NEK10: variants seen among roughly 807,000 people sequenced by gnomAD.
NEK10 encodes NIMA related kinase 10.
In NEK10, 122 loss-of-function variants were observed where a neutral mutation model predicts 159.8. That is an observed-to-expected ratio of 0.76 (90% CI 0.66 to 0.89). The LOEUF is 0.89. NEK10 is among the 40% of genes least tolerant of loss of function. NEK10 has a pLI of 0.00. For synonymous variants in NEK10, 466 were observed against 457.1 expected (o/e 1.02, Z -0.25); for missense variants, 1,342 against 1,323.1 (o/e 1.01, Z -0.22).
intron 32 of NEK10, 99 bp downstream of exon 32, chr3:27,131,781 G>T: frequency 3.9e-6 from 2 of 511,266 alleles, no homozygotes; most frequent in Non-Finnish European, 6.9e-6. Flanking sequence ...AACTTTAATA[G>T]AGGATAGAGC....
chr3:27,266,658 A>C (rs2040920578), intron 22 of NEK10, among the ~76,000 whole-genome samples: 1 of 152,180 alleles, frequency 6.6e-6, no homozygotes, highest in African/African-American at 2.4e-5. Flanking sequence ...CCCTTTCAGC[A>C]TCAAATCCAC....
intron 7 of NEK10, 87 bp downstream of exon 7, chr3:27,314,210 C>T (rs2044964296): frequency 1.1e-6 from 1 of 927,782 alleles, no homozygotes; most frequent in Non-Finnish European, 1.7e-6. Context: ...ATAGGAAAGC[C>T]ACCTTCTGTC....
At chr3:27,349,719 T>C (rs2047831504) in intron 3 of NEK10, among the ~76,000 whole-genome samples, 1 of 152,194 alleles carries the variant, frequency 6.6e-6, no homozygotes, top group Non-Finnish European at 1.5e-5. Context: ...TGCTTCAAGA[T>C]TTGTGAAAAG....
intron 26 of NEK10, among the ~76,000 whole-genome samples, chr3:27,176,923 C>A (rs1035070910): frequency 6.6e-6 from 1 of 152,172 alleles, no homozygotes; most frequent in African/African-American, 2.4e-5. Context: ...AAAACTTTAA[C>A]AAAGGCTTTG....
At position 27,255,671 on chromosome 3, in the gene NEK10, T is replaced by C. The variant is rs565707376; in HGVS notation, c.2090+625A>G. The stretch of plus-strand genomic sequence containing the variant: ...AAGATTCTTACTTCATAATAATTAA[T>C]GGCTTGCAAAGGAACCCCCAAAGTA... On this transcript the variant is annotated intron_variant, in intron 23 of 35. Coordinates refer to ENST00000691995, the MANE Select transcript of NEK10 (RefSeq NM_001394966.1). Among the ~76,000 whole-genome samples the C allele has an allele frequency of 2.6e-5, 4 of 152,306 alleles. No individual in the cohort carries two copies. In the East Asian group the frequency reaches 7.7e-4, roughly 29 times the overall value.
chr3:27,159,191 T>C (rs1945778933), intron 30 of NEK10, among the ~76,000 whole-genome samples: 1 of 152,172 alleles, frequency 6.6e-6, no homozygotes, highest in Admixed American at 6.5e-5. Flanking sequence ...TGCAAGTATG[T>C]TTTCATCATT....
chr3:27,251,779 A>G (rs1033603503), intron 23 of NEK10, among the ~76,000 whole-genome samples: 4 of 152,232 alleles, frequency 2.6e-5, no homozygotes, highest in African/African-American at 9.6e-5. Context: ...TGTAATATAT[A>G]ATCTTTACAC....
At chr3:27,240,447 C>A (rs1954419601) in intron 23 of NEK10, among the ~76,000 whole-genome samples, 1 of 139,388 alleles carries the variant, frequency 7.2e-6, no homozygotes, top group South Asian at 2.3e-4. Flanking sequence ...ATACAATCTC[C>A]CAATAATACA....
chr3:27,174,920 G>T (rs1441392772), intron 26 of NEK10, 87 bp from the exon 27 acceptor site: 4 of 1,075,516 alleles, frequency 3.7e-6, no homozygotes, highest in Non-Finnish European at 5.4e-6. Context: ...TATATTAACT[G>T]CTTCAAATAT....
At chr3:27,300,514 C>T (rs115831035) in intron 13 of NEK10, among the ~76,000 whole-genome samples, 26 of 152,218 alleles carry the variant, frequency 1.7e-4, no homozygotes, top group African/African-American at 4.6e-4. Flanking sequence ...AGCTATGTAA[C>T]GTAAACACAT....
At chr3:27,289,905 C>T (rs181602579) in intron 19 of NEK10, among the ~76,000 whole-genome samples, 4 of 152,312 alleles carry the variant, frequency 2.6e-5, no homozygotes, top group Admixed American at 2.6e-4. Flanking sequence ...GAATTTGTTA[C>T]ATCCCAACAC....
intron 5 of NEK10, among the ~76,000 whole-genome samples, chr3:27,331,845 C>G (rs1304262890): frequency 1.3e-5 from 2 of 152,194 alleles, no homozygotes; most frequent in Non-Finnish European, 2.9e-5. Context: ...AGACTTCCTA[C>G]AGACTCATTT....
intron 28 of NEK10, among the ~76,000 whole-genome samples, 193 bp from the exon 29 acceptor site, chr3:27,172,066 T>C (rs1947042105): frequency 6.6e-6 from 1 of 151,876 alleles, no homozygotes; most frequent in African/African-American, 2.4e-5. Flanking sequence ...CGGCCGGGTG[T>C]GGTGGCTCAC....
At chr3:27,223,290 C>T (rs1396855318) in intron 23 of NEK10, among the ~76,000 whole-genome samples, 18 of 152,178 alleles carry the variant, frequency 1.2e-4, no homozygotes, top group Admixed American at 6.5e-5. Context: ...TCTAACCACA[C>T]CTCCTGTTCT....
chr3:27,162,444 G>A lies in NEK10; in HGVS notation c.2869+257C>T, dbSNP rs193104505. ...CCCATTGTGTGCTTAACATCAATGT[G>A]ATCTAGTAAGTACTACCATGATCTT... On this transcript the variant is annotated intron_variant, in intron 30 of 35. Transcript: ENST00000691995. The A allele has an allele frequency of 9.0e-4, 1,444 of 1,612,950 alleles. 2 individuals carry two copies. The highest frequency in any genetic ancestry group is 1.2e-3 in the Non-Finnish European group (1,385 of 1,179,234).
At chr3:27,205,090 A>T (rs1490906300) in intron 23 of NEK10, among the ~76,000 whole-genome samples, 4 of 151,898 alleles carry the variant, frequency 2.6e-5, no homozygotes, top group Non-Finnish European at 4.4e-5. Flanking sequence ...ATGTGTTTTT[A>T]GGCTGCATAA....
rs185818255 is a variant in NEK10, at chr3:27,188,245, T to G, written c.2505+3784A>C. 9.8e-5 allele frequency among the ~76,000 whole-genome samples: 15 copies of G among 152,322 alleles called. No individual in the cohort carries two copies. In the East Asian group the frequency reaches 2.5e-3, roughly 26 times the overall value. On this transcript the variant is annotated intron_variant, in intron 26 of 35. Transcript: ENST00000691995. ...GCCTCATTAATTCATTTCCCTCATCTCATTTATTTACCCAAAATGTTCGGA... is the reference window on the plus strand; with the variant it reads ...GCCTCATTAATTCATTTCCCTCATCGCATTTATTTACCCAAAATGTTCGGA...
chr3:27,195,272 C>G (rs1459495754), intron 25 of NEK10, among the ~76,000 whole-genome samples: 1 of 152,192 alleles, frequency 6.6e-6, no homozygotes. Flanking sequence ...CATAAATGAT[C>G]ATTAAGAATA....
At position 27,142,959 on chromosome 3, in the gene NEK10, G is replaced by A. The variant is rs145717747; in HGVS notation, c.2870-1377C>T. ...AGAGTCTCTATCCCATGGACACAAT[G>A]TTTACTCCTTTTAATATGAATTATT... On this transcript the variant is annotated intron_variant, in intron 30 of 35. Coordinates refer to ENST00000691995, the MANE Select transcript of NEK10 (RefSeq NM_001394966.1). 1.7e-3 allele frequency among the ~76,000 whole-genome samples: 265 copies of A among 152,240 alleles called. 1 individual carries two copies. The highest frequency in any genetic ancestry group is 5.0e-4 in the Non-Finnish European group (34 of 68,016).
Sources: gnomAD v4.1 joint callset for allele counts (sites outside exome capture counted in the v4.1 genomes callset) on GRCh38, gnomAD v4.1.1 for gene constraint, MANE v1.5 for transcripts, NCBI Gene and HGNC (gene_info 2026-07-23, HGNC 2026-07-21) for gene names.